The following NR3C2 variants were observed in gnomAD, a reference collection of about 807,000 sequenced individuals.
NR3C2 encodes mineralocorticoid receptor.
A neutral mutation model predicts 86.4 loss-of-function variants in NR3C2; 15 were observed. The observed-to-expected ratio is 0.17, with a 90% CI of 0.12 to 0.27. The LOEUF is 0.27. NR3C2 is among the 10% of genes least tolerant of loss of function. The pLI is 1.00. For missense variants in NR3C2, 960 were observed against 1,195.6 expected (o/e 0.80, Z 2.91); for synonymous variants, 458 against 450.5 (o/e 1.02, Z -0.21).
chr4:148,414,766 C>T (rs1748911626), intron 2 of NR3C2, among the ~76,000 whole-genome samples: 1 of 152,236 alleles, frequency 6.6e-6, no homozygotes, highest in Admixed American at 6.5e-5. Context: ...TTTTCCTTTA[C>T]CTTTTGCCTT....
At chr4:148,098,397 G>T (rs1731387020) in intron 8 of NR3C2, among the ~76,000 whole-genome samples, 1 of 152,100 alleles carries the variant, frequency 6.6e-6, no homozygotes, top group South Asian at 2.1e-4. Context: ...CTTGCACTTA[G>T]GAACATAGAC....
intron 3 of NR3C2, among the ~76,000 whole-genome samples, chr4:148,223,567 A>G (rs1737979558): frequency 1.3e-5 from 2 of 152,212 alleles, no homozygotes; most frequent in African/African-American, 4.8e-5. Flanking sequence ...AAAGGAAGAC[A>G]TAAAGAAAGA....
chr4:148,196,053 G>T (rs1736427113), intron 3 of NR3C2, among the ~76,000 whole-genome samples: 1 of 152,116 alleles, frequency 6.6e-6, no homozygotes, highest in South Asian at 2.1e-4. Context: ...AGAGACCAGG[G>T]GTAGGAGGCA....
intron 2 of NR3C2, among the ~76,000 whole-genome samples, chr4:148,402,759 AG>A (rs1553938928): frequency 6.6e-6 from 1 of 152,206 alleles, no homozygotes; most frequent in Non-Finnish European, 1.5e-5. Flanking sequence ...TTTATTTAAA[AG>A]TCTTCAGCAT....
upstream of NR3C2, chr4:148,444,883 C>G (rs1039495957): frequency 6.1e-6 from 6 of 984,928 alleles, no homozygotes; most frequent in African/African-American, 1.0e-4. Flanking sequence ...AGGAGGATCC[C>G]GCGCCCGCCG....
At chr4:148,209,202 C>A (rs557661944) in intron 3 of NR3C2, among the ~76,000 whole-genome samples, 1 of 149,506 alleles carries the variant, frequency 6.7e-6, no homozygotes, top group African/African-American at 2.5e-5. Context: ...CGAAATAGTG[C>A]GACTGCACTC....
At chr4:148,429,679 C>A (rs17024718) in intron 2 of NR3C2, among the ~76,000 whole-genome samples, 2 of 152,144 alleles carry the variant, frequency 1.3e-5, no homozygotes, top group African/African-American at 4.8e-5. Context: ...AAATCCTATA[C>A]TTCACAAGTT....
intron 2 of NR3C2, among the ~76,000 whole-genome samples, chr4:148,409,553 G>A (rs1336477160): frequency 6.6e-6 from 1 of 152,050 alleles, no homozygotes; most frequent in African/African-American, 2.4e-5. Context: ...TTCCTTAGGT[G>A]ACAGAAAGCA....
Position 148,342,999 on chromosome 4 carries a change from C to T in NR3C2, c.1758-82882G>A, listed in dbSNP as rs965944240. Reference sequence around the variant, plus strand: ...CAAGGACAGATTTTTAGCCCAATCCCGGAAAGAAAAATATAACCCATTTTG... The same window carrying T: ...CAAGGACAGATTTTTAGCCCAATCCTGGAAAGAAAAATATAACCCATTTTG... On this transcript the variant is annotated intron_variant, in intron 2 of 8. Coordinates refer to ENST00000358102, the MANE Select transcript of NR3C2 (RefSeq NM_000901.5). 3.3e-5 allele frequency among the ~76,000 whole-genome samples: 5 copies of T among 152,150 alleles called. No homozygotes were observed. The South Asian group carries it at 6.2e-4, about 19-fold the overall frequency.
At chr4:148,174,233 C>T (rs577887623) in intron 4 of NR3C2, among the ~76,000 whole-genome samples, 1 of 152,300 alleles carries the variant, frequency 6.6e-6, no homozygotes, top group African/African-American at 2.4e-5. Flanking sequence ...AAAATTTCCC[C>T]TTTGTTCTGG....
intron 3 of NR3C2, among the ~76,000 whole-genome samples, chr4:148,241,377 C>T (rs1304625486): frequency 6.7e-6 from 1 of 149,166 alleles, no homozygotes; most frequent in Non-Finnish European, 1.5e-5. Flanking sequence ...GCTTTGAGGC[C>T]CTACATGATC....
chr4:148,221,425 C>T (rs971831456), intron 3 of NR3C2, among the ~76,000 whole-genome samples: 3 of 152,122 alleles, frequency 2.0e-5, no homozygotes, highest in Non-Finnish European at 4.4e-5. Flanking sequence ...TGAAATATTA[C>T]AAATGAAAAC....
intron 6 of NR3C2, among the ~76,000 whole-genome samples, chr4:148,127,649 TC>T (rs1732815191): frequency 6.6e-6 from 1 of 152,242 alleles, no homozygotes; most frequent in African/African-American, 2.4e-5. Context: ...GTCAGCCATT[TC>T]TAAATATCTT....
intron 3 of NR3C2, among the ~76,000 whole-genome samples, chr4:148,233,027 T>C (rs1273724238): frequency 6.6e-6 from 1 of 152,206 alleles, no homozygotes; most frequent in African/African-American, 2.4e-5. Flanking sequence ...TGATCTTCTA[T>C]CCAGACCACT....
At chr4:148,327,137 A>G (rs910727790) in intron 2 of NR3C2, among the ~76,000 whole-genome samples, 15 of 152,194 alleles carry the variant, frequency 9.9e-5, no homozygotes, top group African/African-American at 3.6e-4. Context: ...GAGAGGGGTT[A>G]GGGTATTAAT....
chr4:148,440,956 TAAG>T (rs1750309778), intron 1 of NR3C2, among the ~76,000 whole-genome samples: 1 of 152,230 alleles, frequency 6.6e-6, no homozygotes, highest in Admixed American at 6.5e-5. Flanking sequence ...GACTAAAGCT[TAAG>T]AATCTCACAA....
Position 148,162,462 on chromosome 4 carries a change from A to G in NR3C2, c.2015-7561T>C, listed in dbSNP as rs953428982. ...TGTGTGCACACAGAAGGGGTTTTCA[A>G]GGTGAGACAACATGTCTTCGAGGTC... On this transcript the variant is annotated intron_variant, in intron 4 of 8. Coordinates refer to ENST00000358102, the MANE Select transcript of NR3C2 (RefSeq NM_000901.5). Among the ~76,000 whole-genome samples, 10 of 152,068 alleles carry G rather than the reference A, an allele frequency of 6.6e-5. 1 individual carries two copies. Among genetic ancestry groups the G allele is most frequent in the African/African-American group, 1.7e-4 (7 of 41,386 alleles).
At chr4:148,086,284 T>C (rs997559270) in intron 8 of NR3C2, among the ~76,000 whole-genome samples, 2 of 152,166 alleles carry the variant, frequency 1.3e-5, no homozygotes, top group Non-Finnish European at 2.9e-5. Flanking sequence ...TCTACCACGA[T>C]CAAGTCGGCT....
intron 3 of NR3C2, among the ~76,000 whole-genome samples, chr4:148,241,393 A>G (rs13132931): frequency 1 from 120,544 of 120,566 alleles, 60,261 homozygotes; most frequent in Non-Finnish European, 1. Flanking sequence ...TGATCTAGTA[A>G]AACTTAAGTC....
Sources: gnomAD v4.1 joint callset for allele counts (sites outside exome capture counted in the v4.1 genomes callset) on GRCh38, gnomAD v4.1.1 for gene constraint, MANE v1.5 for transcripts, NCBI Gene and HGNC (gene_info 2026-07-23, HGNC 2026-07-21) for gene names.